The following SDK2 variants were observed in gnomAD, a reference collection of about 807,000 sequenced individuals.
SDK2 encodes protein sidekick-2.
A neutral mutation model predicts 253.9 loss-of-function variants in SDK2; 105 were observed. The ratio of observed to expected loss-of-function variants is 0.41; its 90% CI spans 0.35 to 0.49. SDK2 has a LOEUF of 0.49. Among genes scored for constraint, SDK2 ranks in the 20% least tolerant of loss-of-function variants. SDK2 has a pLI of 0.06. For synonymous variants in SDK2, 1,249 were observed against 1,234.9 expected, an observed-to-expected ratio of 1.01 and a Z score of -0.24; for missense variants, 2,608 against 3,003.0, an observed-to-expected ratio of 0.87 and a Z score of 3.07.
chr17:73,627,084 A>C (rs574352043), intron 1 of SDK2, among the ~76,000 whole-genome samples: 15 of 152,292 alleles, frequency 9.8e-5, no homozygotes, highest in East Asian at 7.7e-4. Flanking sequence ...CAACTCTACC[A>C]GCCCATTTTC....
intron 1 of SDK2, among the ~76,000 whole-genome samples, chr17:73,632,842 T>A (rs941678745): frequency 3.9e-5 from 6 of 152,184 alleles, no homozygotes; most frequent in Admixed American, 3.9e-4. Context: ...AAGACCAGAT[T>A]TTGATGTATG....
intron 1 of SDK2, among the ~76,000 whole-genome samples, chr17:73,573,620 G>T (rs1335956897): frequency 6.6e-6 from 1 of 152,130 alleles, no homozygotes; most frequent in African/African-American, 2.4e-5. Flanking sequence ...CATCACCCTG[G>T]GCAGCACCAC....
Position 73,338,797 on chromosome 17 carries a change from C to A in SDK2, c.6309G>T (p.Thr2103=). The change falls in exon 45 of 45, where the codon ACG becomes ACT. Residue 2103 remains threonine (T), a synonymous_variant. Coordinates refer to ENST00000392650, the MANE Select transcript of SDK2 (RefSeq NM_001144952.2). The surrounding 1 kb of genome is among the most constrained non-coding windows in gnomAD (Gnocchi z 5.0). The part of the protein sequence containing the change: ...GISRAQAYSY[T]ESDSGEPDHT... Reference sequence around the variant, plus strand: ...GGTCTGGCTCACCCGAGTCGCTCTCCGTGTAGCTGTAGGCCTGTGCCCTCG... The same window carrying A: ...GGTCTGGCTCACCCGAGTCGCTCTCAGTGTAGCTGTAGGCCTGTGCCCTCG... The A allele has an allele frequency of 1.2e-6, 2 of 1,613,912 alleles. No homozygotes were observed. Among genetic ancestry groups the A allele is most frequent in the Non-Finnish European group, 1.7e-6 (2 of 1,179,884 alleles).
chr17:73,375,837 C>CAG (rs202146172), intron 36 of SDK2, among the ~76,000 whole-genome samples: 12,353 of 147,872 alleles, frequency 0.084, 1,014 homozygotes, highest in African/African-American at 0.2. Context: ...GCCTGGGTGA[C>CAG]AGAACAAGAC....
intron 2 of SDK2, among the ~76,000 whole-genome samples, chr17:73,495,388 G>C (rs952681950): frequency 2.0e-5 from 3 of 152,162 alleles, no homozygotes; most frequent in Non-Finnish European, 4.4e-5. Flanking sequence ...AGGGGTTATA[G>C]GCCAGGGCTG....
chr17:73,414,358 G>C (rs1047541801), intron 18 of SDK2, among the ~76,000 whole-genome samples: 20 of 152,070 alleles, frequency 1.3e-4, no homozygotes, highest in African/African-American at 4.3e-4. Context: ...CCTACACCAG[G>C]TGTTTCTGAG....
chr17:73,525,413 T>A (rs561846591), intron 1 of SDK2, among the ~76,000 whole-genome samples: 2 of 152,210 alleles, frequency 1.3e-5, no homozygotes, highest in South Asian at 4.2e-4. Flanking sequence ...AGGCGACAAG[T>A]TACCGGAAAG....
rs542935883 is a variant in SDK2 at position 73,629,712 on chromosome 17, G to A, written c.64+14313C>T. Among the ~76,000 whole-genome samples the A allele has an allele frequency of 9.2e-5, 14 of 152,220 alleles. No individual in the cohort carries two copies. The highest frequency in any genetic ancestry group is 3.9e-4 in the East Asian group (2 of 5,172). ...ACAGGCTTGCTGCCTTCACTTGACC[G>A]TGAGCAATTTGAGGGCAAGGACCTG... is the stretch of plus-strand genomic sequence containing the variant. On this transcript the variant is annotated intron_variant, in intron 1 of 44. Transcript: ENST00000392650. This position sits in a 1 kb window ranked among gnomAD's most constrained non-coding sequence, Gnocchi z 5.0.
intron 1 of SDK2, among the ~76,000 whole-genome samples, chr17:73,530,173 C>A (rs934914530): frequency 1.1e-4 from 16 of 152,146 alleles, no homozygotes; most frequent in African/African-American, 3.6e-4. Flanking sequence ...CTGCATTAGT[C>A]CATTTTCACA....
At chr17:73,385,991 T>C (rs2062869038) in intron 31 of SDK2, 74 bp from the exon 32 acceptor site, 3 of 1,116,200 alleles carry the variant, frequency 2.7e-6, no homozygotes, top group African/African-American at 3.1e-5. Context: ...TGAGACCAGA[T>C]TCTGCTAATA....
At chr17:73,463,724 T>TG (rs1203616228) in intron 3 of SDK2, among the ~76,000 whole-genome samples, 13 of 152,284 alleles carry the variant, frequency 8.5e-5, no homozygotes, top group South Asian at 2.1e-4. Context: ...AACATTTTTT[T>TG]GGGGGGGCTC....
intron 33 of SDK2, among the ~76,000 whole-genome samples, chr17:73,382,544 G>A (rs931523114): frequency 2.0e-5 from 3 of 152,362 alleles, no homozygotes; most frequent in South Asian, 4.1e-4. Context: ...TATGTACCAA[G>A]GTGTTCTAAT....
intron 3 of SDK2, among the ~76,000 whole-genome samples, chr17:73,459,941 T>C (rs911689426): frequency 2.6e-5 from 4 of 152,226 alleles, no homozygotes; most frequent in African/African-American, 9.6e-5. Context: ...GATATGTGTA[T>C]GTCAGGCTGT....
At position 73,604,404 on chromosome 17, in the gene SDK2, C is replaced by T. The variant is rs192145997; in HGVS notation, c.64+39621G>A. 5.6e-4 allele frequency among the ~76,000 whole-genome samples: 85 copies of T among 152,344 alleles called. 1 individual carries two copies. Among genetic ancestry groups the T allele is most frequent in the Admixed American group, 2.6e-3 (40 of 15,306 alleles). ...GGAAGGGACCTGGCACTCGGGATAC[C>T]CCTGGTTTGCCAGGGAAGTCACCAG... On this transcript the variant is annotated intron_variant, in intron 1 of 44. Transcript: ENST00000392650.
chr17:73,634,965 G>C (rs79109180), intron 1 of SDK2, among the ~76,000 whole-genome samples: 2,542 of 151,962 alleles, frequency 0.017, 67 homozygotes, highest in African/African-American at 0.042. Flanking sequence ...TTGAGCCCAG[G>C]GAGTCACCCG....
rs1355935459 is a variant in SDK2 at position 73,496,081 on chromosome 17, G to A, written c.224+11357C>T. 2.0e-5 allele frequency among the ~76,000 whole-genome samples: 3 copies of A among 152,150 alleles called. No individual in the cohort carries two copies. In the East Asian group the frequency reaches 5.8e-4, roughly 29 times the overall value. ...GAACCTGGACTTCCCGGGAGGGTGG[G>A]AAGGAACCGTGGCCAGGAAGAATGA... On this transcript the variant is annotated intron_variant, in intron 2 of 44. Coordinates refer to ENST00000392650, the MANE Select transcript of SDK2 (RefSeq NM_001144952.2). This position sits in a 1 kb window ranked among gnomAD's most constrained non-coding sequence, Gnocchi z 4.7.
intron 1 of SDK2, among the ~76,000 whole-genome samples, chr17:73,588,147 TG>T (rs1227490398): frequency 6.6e-6 from 1 of 150,918 alleles, no homozygotes; most frequent in Non-Finnish European, 1.5e-5. Flanking sequence ...CCGAGCCTGG[TG>T]GATCACCTGG....
At chr17:73,355,092 C>T (rs2062575559) in intron 40 of SDK2, among the ~76,000 whole-genome samples, 2 of 146,564 alleles carry the variant, frequency 1.4e-5, no homozygotes, top group South Asian at 2.2e-4. Context: ...GCAGAAGGCT[C>T]CGGGGTCCCG....
chr17:73,435,470 G>A lies in SDK2; in HGVS notation c.1175C>T (p.Ser392Phe), dbSNP rs1240141241. The change falls in exon 9 of 45, where the codon TCC (serine) becomes TTC (phenylalanine). Residue 392 changes from serine to phenylalanine, a missense_variant. This residue lies in a region of SDK2 where 1,505 missense variants were observed against 1,859.1 expected (regional missense o/e 0.81). Coordinates refer to ENST00000392650, the MANE Select transcript of SDK2 (RefSeq NM_001144952.2). The surrounding 1 kb of genome is among the most constrained non-coding windows in gnomAD (Gnocchi z 5.7). ...ARNAAGEVQT[S>F]TYLAVTSIAP... ...CTTACTGGTGACAGCCAGGTAGGTGGAAGTTTGCACCTCGCCGGCTGCATT... is the reference window on the plus strand; with the variant it reads ...CTTACTGGTGACAGCCAGGTAGGTGAAAGTTTGCACCTCGCCGGCTGCATT... The A allele has an allele frequency of 3.1e-6, 5 of 1,596,402 alleles. No homozygotes were observed. Among genetic ancestry groups the A allele is most frequent in the Non-Finnish European group, 4.3e-6 (5 of 1,171,358 alleles).
Sources: allele counts gnomAD v4.1 joint callset (sites outside exome capture counted in the v4.1 genomes callset), GRCh38; gene constraint gnomAD v4.1.1; regional missense constraint gnomAD v4.1.1; non-coding constraint Gnocchi (gnomAD v3.1); transcripts MANE v1.5; gene names NCBI Gene and HGNC (gene_info 2026-07-23, HGNC 2026-07-21).